DIP2C: variants seen among roughly 807,000 people sequenced by gnomAD.
The protein encoded by DIP2C is DIP2 acetate--CoA ligase C (putative), also known as disco-interacting protein 2 homolog C.
In DIP2C, 33 loss-of-function variants were observed where a neutral mutation model predicts 192.4. That is an observed-to-expected ratio of 0.17 (90% CI 0.13 to 0.23). The LOEUF (loss-of-function observed/expected upper bound fraction) is 0.23, where lower values mean the gene tolerates loss of function less well. DIP2C is among the 10% of genes least tolerant of loss of function. DIP2C has a pLI of 1.00. For missense variants in DIP2C, 1,537 were observed against 2,110.1 expected (o/e 0.73, Z 5.32); for synonymous variants, 979 against 864.1 (o/e 1.13, Z -2.33).
intron 36 of DIP2C, among the ~76,000 whole-genome samples, chr10:279,605 G>A (rs1159320279): frequency 6.6e-6 from 1 of 152,264 alleles, no homozygotes. Flanking sequence ...GGGTGTCACA[G>A]CCGCATTTCT....
At chr10:496,658 C>T (rs1021002358) in intron 1 of DIP2C, among the ~76,000 whole-genome samples, 3 of 152,034 alleles carry the variant, frequency 2.0e-5, no homozygotes, top group Non-Finnish European at 4.4e-5. Context: ...CCCACAGTGA[C>T]CTCCCGTGTA....
At chr10:549,357 G>A (rs1257126640) in intron 1 of DIP2C, among the ~76,000 whole-genome samples, 2 of 152,022 alleles carry the variant, frequency 1.3e-5, no homozygotes, top group African/African-American at 2.4e-5. Flanking sequence ...GCTCTAAGAC[G>A]TCCTTGTCAC....
At chr10:443,777 A>C (rs549610648) in intron 3 of DIP2C, among the ~76,000 whole-genome samples, 3 of 152,352 alleles carry the variant, frequency 2.0e-5, no homozygotes, top group African/African-American at 7.2e-5. Context: ...TTATTTGCTT[A>C]AGCCTGGAGA....
intron 17 of DIP2C, among the ~76,000 whole-genome samples, chr10:375,850 CAAGT>C (rs1288632519): frequency 1.5e-5 from 2 of 134,240 alleles, no homozygotes; most frequent in Admixed American, 1.6e-4. Context: ...ATCCCTTAAG[CAAGT>C]GAGTCAACAA....
In DIP2C at chr10:372,074, CT is replaced by C. The variant is rs71376826; in HGVS notation, c.1992-2442del. 7.0e-3 allele frequency among the ~76,000 whole-genome samples: 962 copies of C among 137,566 alleles called. 9 individuals carry two copies. The highest frequency in any genetic ancestry group is 0.041 in the East Asian group (193 of 4,728). 90.2% of individuals were successfully genotyped at this position (137,566 alleles called of 152,430 possible). A position where few individuals can be genotyped will look rare whatever the true frequency, so the allele number is the denominator to read the frequency against. ...GTCTCAATCACAAAAACCCCCTTTCCTTTTTTTTTTTTTTTTTTTGAGACAC... is the reference window on the plus strand; with the variant it reads ...GTCTCAATCACAAAAACCCCCTTTCCTTTTTTTTTTTTTTTTTTGAGACAC... On this transcript the variant is annotated intron_variant, in intron 17 of 36. Coordinates refer to ENST00000280886, the MANE Select transcript of DIP2C (RefSeq NM_014974.3).
chr10:328,599 A>AATACG (rs34349650), intron 30 of DIP2C, among the ~76,000 whole-genome samples: 1 of 194 alleles, frequency 5.2e-3, no homozygotes, highest in Non-Finnish European at 0.024. Flanking sequence ...TTCCTATATA[A>AATACG]AAACTTAAAA....
intron 1 of DIP2C, among the ~76,000 whole-genome samples, chr10:639,789 C>G (rs181620051): frequency 2.0e-5 from 3 of 152,286 alleles, no homozygotes; most frequent in Non-Finnish European, 2.9e-5. Flanking sequence ...GTTCCTTGTC[C>G]CAGGTACACA....
intron 1 of DIP2C, among the ~76,000 whole-genome samples, chr10:590,134 C>T (rs1851314517): frequency 6.6e-6 from 1 of 152,250 alleles, no homozygotes; most frequent in Non-Finnish European, 1.5e-5. Context: ...CAGTGAGAGG[C>T]ACGGAACTGT....
At chr10:550,777 A>G (rs567814482) in intron 1 of DIP2C, among the ~76,000 whole-genome samples, 1 of 152,246 alleles carries the variant, frequency 6.6e-6, no homozygotes, top group Non-Finnish European at 1.5e-5. Context: ...GAGTTGCAAT[A>G]AACAAGCATC....
intron 1 of DIP2C, among the ~76,000 whole-genome samples, chr10:520,311 C>T (rs769433713): frequency 9.2e-5 from 14 of 152,102 alleles, no homozygotes; most frequent in Admixed American, 3.3e-4. Context: ...ACATCAGAGC[C>T]GACAGCAACT....
chr10:680,583 G>C (rs1831094744), intron 1 of DIP2C, among the ~76,000 whole-genome samples: 1 of 152,138 alleles, frequency 6.6e-6, no homozygotes, highest in African/African-American at 2.4e-5. Context: ...TTTCATTTCA[G>C]GTAAACTGGC....
At chr10:596,837 A>G (rs1851738257) in intron 1 of DIP2C, among the ~76,000 whole-genome samples, 2 of 152,236 alleles carry the variant, frequency 1.3e-5, no homozygotes, top group African/African-American at 4.8e-5. Context: ...ACCACTGCCC[A>G]GGACAAAGAC....
At chr10:455,360 G>A (rs1969210376) in intron 3 of DIP2C, among the ~76,000 whole-genome samples, 1 of 124,806 alleles carries the variant, frequency 8.0e-6, no homozygotes, top group South Asian at 2.8e-4. Flanking sequence ...AAACACTGCA[G>A]TGAGTCCCTG....
intron 1 of DIP2C, among the ~76,000 whole-genome samples, chr10:514,415 C>T (rs956543698): frequency 2.0e-5 from 3 of 152,202 alleles, no homozygotes; most frequent in Admixed American, 6.5e-5. Flanking sequence ...GGCTTCGTGC[C>T]GGGAACAGTT....
chr10:595,487 C>A (rs1044541754), intron 1 of DIP2C, among the ~76,000 whole-genome samples: 2 of 152,182 alleles, frequency 1.3e-5, no homozygotes, highest in African/African-American at 4.8e-5. Context: ...AGCACTAACT[C>A]TTCTCACTCA....
intron 4 of DIP2C, among the ~76,000 whole-genome samples, chr10:428,466 G>C (rs985499575): frequency 6.6e-6 from 1 of 152,178 alleles, no homozygotes; most frequent in African/African-American, 2.4e-5. Context: ...TTTAAAAAAT[G>C]TCTTTCCATG....
chr10:511,110 G>C (rs769276590), intron 1 of DIP2C, among the ~76,000 whole-genome samples: 1 of 152,216 alleles, frequency 6.6e-6, no homozygotes, highest in African/African-American at 2.4e-5. Flanking sequence ...TCTGAAGTCG[G>C]TGTTTCTGGA....
At chr10:627,013 C>T (rs1321437135) in intron 1 of DIP2C, among the ~76,000 whole-genome samples, 1 of 152,238 alleles carries the variant, frequency 6.6e-6, no homozygotes, top group Non-Finnish European at 1.5e-5. Context: ...CTCCTTCCCT[C>T]CAGCTTTGTC....
chr10:579,273 TACAC>T (rs1036940874), intron 1 of DIP2C, among the ~76,000 whole-genome samples: 1 of 151,808 alleles, frequency 6.6e-6, no homozygotes, highest in South Asian at 2.1e-4. Flanking sequence ...GCATACAGCA[TACAC>T]ACATCCAGAT....
Sources: allele counts gnomAD v4.1 joint callset (sites outside exome capture counted in the v4.1 genomes callset), GRCh38; gene constraint gnomAD v4.1.1; transcripts MANE v1.5; gene names NCBI Gene and HGNC (gene_info 2026-07-23, HGNC 2026-07-21).